SEC63: variants seen among roughly 807,000 people sequenced by gnomAD.
SEC63 encodes translocation protein SEC63 homolog.
Under a neutral mutation model 116.2 loss-of-function variants are expected in SEC63, and 56 were observed. The observed-to-expected ratio is 0.48, with a 90% CI of 0.39 to 0.60. The LOEUF (loss-of-function observed/expected upper bound fraction) is 0.60. Ranked by LOEUF, SEC63 falls within the 20% of genes least tolerant of loss-of-function variation. SEC63 has a pLI of 0.00. For missense variants in SEC63, 668 were observed against 900.0 expected, an observed-to-expected ratio of 0.74 and a Z score of 3.30; for synonymous variants, 273 against 294.6, an observed-to-expected ratio of 0.93 and a Z score of 0.75.
At chr6:107,923,374 A>G (rs1787600852) in intron 3 of SEC63, among the ~76,000 whole-genome samples, 1 of 152,164 alleles carries the variant, frequency 6.6e-6, no homozygotes, top group Non-Finnish European at 1.5e-5. Context: ...TCAGCCTCCC[A>G]AAGTACTGAT....
intron 15 of SEC63, 32 bp downstream of exon 15, chr6:107,893,806 G>A: frequency 6.2e-7 from 1 of 1,612,400 alleles, no homozygotes; most frequent in Non-Finnish European, 8.5e-7. Flanking sequence ...TCTTTCACTA[G>A]GAAAAATAGG....
At chr6:107,915,192 T>C (rs1170660394) in intron 4 of SEC63, among the ~76,000 whole-genome samples, 2 of 152,190 alleles carry the variant, frequency 1.3e-5, no homozygotes, top group African/African-American at 4.8e-5. Context: ...GAAAATTCAG[T>C]GAGTGTAGTT....
chr6:107,901,404 A>G lies in SEC63; in HGVS notation c.1323T>C (p.Ser441=), dbSNP rs143688838. 1.4e-4 allele frequency: 227 copies of G among 1,613,286 alleles called. 1 individual carries two copies. In the East Asian group the frequency reaches 4.6e-3, roughly 32 times the overall value. The change falls in exon 13 of 21, where the codon AGT becomes AGC. Residue 441 remains serine, a synonymous_variant. Transcript: ENST00000369002. ...KYEEVMAVLG[S]FPYVTMDIKS... is the part of the protein sequence containing the mutation. ...TTATATCCATGGTCACATATGGAAA[A>G]CTCCCAAGGACAGCCATAACCTCTT...
intron 1 of SEC63, among the ~76,000 whole-genome samples, chr6:107,940,694 A>C (rs1583774066): frequency 1.3e-5 from 2 of 152,038 alleles, no homozygotes; most frequent in South Asian, 4.2e-4. Flanking sequence ...TATGACCTAC[A>C]TATCAGGAAC....
At chr6:107,880,908 AAGAC>A in intron 18 of SEC63, 1 of 450,348 alleles carries the variant, frequency 2.2e-6, no homozygotes, top group Non-Finnish European at 4.1e-6. Flanking sequence ...GGGCACAGAA[AAGAC>A]AGAAGCAAAG....
At chr6:107,906,315 T>C in intron 10 of SEC63, 133 bp downstream of exon 10, 1 of 1,026,374 alleles carries the variant, frequency 9.7e-7, no homozygotes, top group East Asian at 2.4e-5. Context: ...TAAACCTCTT[T>C]TGTTTATATA....
At position 107,871,484 on chromosome 6, in the gene SEC63, T is replaced by G. The variant is rs1378276599; in HGVS notation, c.*220A>C. 3 of 570,822 alleles carry G rather than the reference T, an allele frequency of 5.3e-6. No individual in the cohort carries two copies. Among genetic ancestry groups the G allele is most frequent in the Middle Eastern group, 4.8e-4 (1 of 2,080 alleles). 35.4% of individuals were successfully genotyped at this position (570,822 alleles called of 1,614,324 possible). The stretch of plus-strand genomic sequence containing the variant: ...TATTATCATTTGCAGATGAAATAAA[T>G]GTACCATCCCCTACTTGAAAGGTTT... On this transcript the variant is annotated 3_prime_UTR_variant, in exon 21 of 21. Transcript: ENST00000369002.
chr6:107,924,124 C>A (rs896695883), intron 3 of SEC63, among the ~76,000 whole-genome samples: 2 of 150,766 alleles, frequency 1.3e-5, no homozygotes, highest in African/African-American at 4.9e-5. Flanking sequence ...ATTAGCCAGG[C>A]GTGATGGCAG....
At position 107,870,228 on chromosome 6, in the gene SEC63, T is replaced by A. The variant is rs1037971514; in HGVS notation, c.*1476A>T. ...GAAAGGCTCTCACTAAACTGGTGAT[T>A]GAGGTTATAGAGAAAGAAACTGCTT... On this transcript the variant is annotated 3_prime_UTR_variant, in exon 21 of 21. Transcript: ENST00000369002. 1.3e-5 allele frequency: 2 copies of A among 152,920 alleles called. No individual in the cohort carries two copies. Among genetic ancestry groups the A allele is most frequent in the African/African-American group, 4.8e-5 (2 of 41,454 alleles). 9.5% of individuals were successfully genotyped at this position (152,920 alleles called of 1,614,324 possible). A position where few individuals can be genotyped will look rare whatever the true frequency, so the allele number is the denominator to read the frequency against.
chr6:107,881,882 G>A (rs1786421300), intron 17 of SEC63, among the ~76,000 whole-genome samples: 1 of 152,140 alleles, frequency 6.6e-6, no homozygotes, highest in Admixed American at 6.5e-5. Flanking sequence ...CTTGGGATGT[G>A]ACAGGTAATA....
chr6:107,871,529 T>C lies in SEC63; in HGVS notation c.*175A>G. On this transcript the variant is annotated 3_prime_UTR_variant, in exon 21 of 21. Transcript: ENST00000369002. ...AGGTTTCAATAAGCCTTAACATTTT[T>C]CAGGTTGTACCAAGGCACCGCCACT... 2 of 678,932 alleles carry C rather than the reference T, an allele frequency of 2.9e-6. No homozygotes were observed. The highest frequency in any genetic ancestry group is 2.6e-6 in the Non-Finnish European group (1 of 379,282). The allele number at this position is 678,932 out of a possible 1,614,324, so 42.1% of individuals were successfully genotyped here. A position where few individuals can be genotyped will look rare whatever the true frequency, so the allele number is the denominator to read the frequency against.
At position 107,893,836 on chromosome 6, in the gene SEC63, A is replaced by G; in HGVS notation, c.1500+2T>C. On this transcript the variant is annotated splice_donor_variant, in intron 15 of 20. Transcript: ENST00000369002. LOFTEE classifies it high-confidence loss of function. ...AATAGGTTCGGAAACCCAAGTTTTT[A>G]CCCCATCTTCTGCTGGCTGTTCCTC... 6.2e-7 allele frequency: 1 copy of G among 1,614,088 alleles called. No individual in the cohort carries two copies.
chr6:107,879,493 T>C (rs1394600237), intron 18 of SEC63, among the ~76,000 whole-genome samples: 1 of 152,082 alleles, frequency 6.6e-6, no homozygotes. Context: ...GCCCAGCCAA[T>C]TTTGTATTTT....
chr6:107,881,250 C>A lies in SEC63; in HGVS notation c.1834G>T (p.Glu612Ter). 6.3e-7 allele frequency: 1 copy of A among 1,597,056 alleles called. No homozygotes were observed. ...ATGCTTTGTTGTAATTCTTGCCACT[C>A]CTAGTAAACAAAAAAATTAAAATAT... is the stretch of plus-strand genomic sequence containing the variant. ...DEKQNKDDEA[E>*]WQELQQSIQR... Residue 612 changes from glutamate to a stop codon, truncating the protein, a stop_gained and splice_region_variant, in exon 18 of 21, where the codon GAG becomes TAG. Coordinates refer to ENST00000369002, the MANE Select transcript of SEC63 (RefSeq NM_007214.5). LOFTEE classifies it high-confidence loss of function.
At chr6:107,927,602 A>G (rs894635403) in intron 2 of SEC63, among the ~76,000 whole-genome samples, 7 of 152,206 alleles carry the variant, frequency 4.6e-5, no homozygotes, top group African/African-American at 1.7e-4. Flanking sequence ...TCACTAAAAA[A>G]GCTTCATAAA....
chr6:107,910,216 A>C (rs1042840504), intron 7 of SEC63, among the ~76,000 whole-genome samples: 14 of 152,218 alleles, frequency 9.2e-5, no homozygotes, highest in African/African-American at 9.6e-5. Context: ...CTGTAAGCCT[A>C]GTACTTTGAG....
intron 19 of SEC63, among the ~76,000 whole-genome samples, chr6:107,874,465 G>A (rs543379487): frequency 6.6e-5 from 10 of 151,482 alleles, no homozygotes; most frequent in East Asian, 5.8e-4. Context: ...GTGCAGTGGC[G>A]GGCGTCTGTA....
chr6:107,932,665 A>C (rs1381310585), intron 1 of SEC63, among the ~76,000 whole-genome samples: 1 of 152,250 alleles, frequency 6.6e-6, no homozygotes, highest in African/African-American at 2.4e-5. Context: ...AATTAAAAAT[A>C]TCACTACGAA....
chr6:107,878,928 G>T (rs1258538022), intron 18 of SEC63, among the ~76,000 whole-genome samples: 1 of 111,646 alleles, frequency 9.0e-6, no homozygotes, highest in Non-Finnish European at 1.8e-5. Flanking sequence ...GCCTAGTGAT[G>T]CACATGTTAA....
Sources: allele counts gnomAD v4.1 joint callset (sites outside exome capture counted in the v4.1 genomes callset), GRCh38; gene constraint gnomAD v4.1.1; transcripts MANE v1.5; gene names NCBI Gene and HGNC (gene_info 2026-07-23, HGNC 2026-07-21).